The following EDC4 variants were observed in gnomAD, a reference collection of about 807,000 sequenced individuals.
The protein encoded by EDC4 is enhancer of mRNA-decapping protein 4.
EDC4 carries 64 observed loss-of-function variants against 155.8 expected under a neutral mutation model. The ratio of observed to expected loss-of-function variants is 0.41; its 90% CI spans 0.34 to 0.51. The LOEUF is 0.51. EDC4 is among the 20% of genes least tolerant of loss of function. EDC4 has a pLI of 0.19. For missense variants in EDC4, 1,303 were observed against 1,812.5 expected, an observed-to-expected ratio of 0.72 and a Z score of 5.10; for synonymous variants, 684 against 716.8, an observed-to-expected ratio of 0.95 and a Z score of 0.73.
chr16:67,874,942 A>T (rs1235594841), intron 1 of EDC4, among the ~76,000 whole-genome samples: 1 of 152,092 alleles, frequency 6.6e-6, no homozygotes, highest in Non-Finnish European at 1.5e-5. Context: ...TAAAAATATA[A>T]AAATTAGGTG....
Position 67,879,494 on chromosome 16 carries a change from G to C in EDC4, c.1624G>C (p.Glu542Gln), listed in dbSNP as rs767952965. 9 of 1,614,042 alleles carry C rather than the reference G, an allele frequency of 5.6e-6. No homozygotes were observed. The highest frequency in any genetic ancestry group is 1.7e-5 in the Admixed American group (1 of 59,996). The change falls in exon 14 of 29, where the codon GAG becomes CAG. Residue 542 changes from glutamate to glutamine, a missense_variant. Glu to Gln is a conservative substitution (Grantham distance 29). This residue lies in a region of EDC4 where 391 missense variants were observed against 445.4 expected (regional missense o/e 0.88). Coordinates refer to ENST00000358933, the MANE Select transcript of EDC4 (RefSeq NM_014329.5). The surrounding 1 kb of genome is among the most constrained non-coding windows in gnomAD (Gnocchi z 6.0). Reference protein sequence around the residue: ...VAPLPTHTAHEDFTFGESRPE... With the variant: ...VAPLPTHTAHQDFTFGESRPE... ...CCCACTGCCCACCCACACTGCCCACGAGGACTTCAGTGAGTAGGGCGTGAG... is the reference window on the plus strand; with the variant it reads ...CCCACTGCCCACCCACACTGCCCACCAGGACTTCAGTGAGTAGGGCGTGAG...
chr16:67,880,321 C>G lies in EDC4; in HGVS notation c.2097+105C>G. 1.4e-6 allele frequency: 2 copies of G among 1,471,134 alleles called. No homozygotes were observed. Among genetic ancestry groups the G allele is most frequent in the Non-Finnish European group, 1.8e-6 (2 of 1,106,624 alleles). 91.1% of individuals were successfully genotyped at this position (1,471,134 alleles called of 1,614,324 possible). A position where few individuals can be genotyped will look rare whatever the true frequency, so the allele number is the denominator to read the frequency against. ...CCCCCTGCTGCTGATCCTGCTCTAC[C>G]CGACATGGTCCGTGTTTCCCTGAGG... is the stretch of plus-strand genomic sequence containing the variant. On this transcript the variant is annotated intron_variant, in intron 17 of 28. Coordinates refer to ENST00000358933, the MANE Select transcript of EDC4 (RefSeq NM_014329.5). The surrounding 1 kb of genome is among the most constrained non-coding windows in gnomAD (Gnocchi z 5.2).
At position 67,874,473 on chromosome 16, in the gene EDC4, C is replaced by T. The variant is rs149084118; in HGVS notation, c.82+1130C>T. Among the ~76,000 whole-genome samples, 53 of 152,250 alleles carry T rather than the reference C, an allele frequency of 3.5e-4. No individual in the cohort carries two copies. The East Asian group carries it at 0.01, about 29-fold the overall frequency. On this transcript the variant is annotated intron_variant, in intron 1 of 28. Coordinates refer to ENST00000358933, the MANE Select transcript of EDC4 (RefSeq NM_014329.5). Reference sequence around the variant, plus strand: ...TTGTCCCAGGCCTGGAGTGTGTGCCCTCTTTACTCATGAGTTGGGCGTGGA... The same window carrying T: ...TTGTCCCAGGCCTGGAGTGTGTGCCTTCTTTACTCATGAGTTGGGCGTGGA...
Position 67,878,321 on chromosome 16 carries a change from C to A in EDC4, c.1005-39C>A, listed in dbSNP as rs2058050399. 3 of 1,614,082 alleles carry A rather than the reference C, an allele frequency of 1.9e-6. No individual in the cohort carries two copies. Among genetic ancestry groups the A allele is most frequent in the Admixed American group, 3.3e-5 (2 of 60,012 alleles). ...CCAGGATCCTCCCGAGGTAGCCCACCCGACCACTCACTCAGGCCCCTCATC... is the reference window on the plus strand; with the variant it reads ...CCAGGATCCTCCCGAGGTAGCCCACACGACCACTCACTCAGGCCCCTCATC... On this transcript the variant is annotated intron_variant, in intron 8 of 28. Transcript: ENST00000358933. This position sits in a 1 kb window ranked among gnomAD's most constrained non-coding sequence, Gnocchi z 5.2.
chr16:67,879,911 G>C lies in EDC4; in HGVS notation c.1883G>C (p.Ser628Thr). Residue 628 changes from serine (S) to threonine (T), a missense_variant, in exon 16 of 29, where the codon AGC becomes ACC. By Grantham distance (58) the Ser-to-Thr change is moderately conservative (BLOSUM62 1). Around this residue, in one of 5 missense-constraint regions of EDC4, gnomAD observed 391 missense variants for 445.4 expected, o/e 0.88. Coordinates refer to ENST00000358933, the MANE Select transcript of EDC4 (RefSeq NM_014329.5). This position sits in a 1 kb window ranked among gnomAD's most constrained non-coding sequence, Gnocchi z 6.0. ...GSSSSSSSSS[S>T]SLTAVSAMSS... ...AGCAGCAGCAGCAGCAGTAGCAGCA[G>C]CTCCCTTACAGCTGTGTCTGCCATG... 1 of 1,613,836 alleles carries C rather than the reference G, an allele frequency of 6.2e-7. No homozygotes were observed. The highest frequency in any genetic ancestry group is 1.1e-5 in the South Asian group (1 of 91,086).
rs1041679838 is a variant in EDC4 at position 67,875,855 on chromosome 16, C to T, written c.83-90C>T. The T allele has an allele frequency of 3.3e-6, 5 of 1,534,508 alleles. No homozygotes were observed. In the Admixed American group the frequency reaches 5.9e-5, roughly 18 times the overall value. On this transcript the variant is annotated intron_variant, in intron 1 of 28. Coordinates refer to ENST00000358933, the MANE Select transcript of EDC4 (RefSeq NM_014329.5). ...TTTGCTCAGTTGAGTGTTCCTAGAG[C>T]ACCTCATAGTTCTTGAAGGAAACTC... is the stretch of plus-strand genomic sequence containing the variant.
rs748641046 is a variant in EDC4, at chr16:67,881,931, C to T, written c.3005-23C>T. The T allele has an allele frequency of 6.2e-5, 99 of 1,603,810 alleles. No individual in the cohort carries two copies. Among genetic ancestry groups the T allele is most frequent in the Non-Finnish European group, 8.3e-5 (97 of 1,173,306 alleles). ...GAAGGAGTACACGACCTGCTCCAGGCCCGTTCCTTAGCTATGGCGCAGAGC... is the reference window on the plus strand; with the variant it reads ...GAAGGAGTACACGACCTGCTCCAGGTCCGTTCCTTAGCTATGGCGCAGAGC... On this transcript the variant is annotated intron_variant, in intron 22 of 28. Coordinates refer to ENST00000358933, the MANE Select transcript of EDC4 (RefSeq NM_014329.5). The surrounding 1 kb of genome is among the most constrained non-coding windows in gnomAD (Gnocchi z 5.4).
Position 67,877,953 on chromosome 16 carries a change from G to A in EDC4, c.894+108G>A, listed in dbSNP as rs370143766. The A allele has an allele frequency of 6.5e-7, 1 of 1,529,470 alleles. No homozygotes were observed. Among genetic ancestry groups the A allele is most frequent in the Non-Finnish European group, 8.8e-7 (1 of 1,130,806 alleles). The allele number at this position is 1,529,470 out of a possible 1,614,324, so 94.7% of individuals were successfully genotyped here. A position where few individuals can be genotyped will look rare whatever the true frequency, so the allele number is the denominator to read the frequency against. On this transcript the variant is annotated intron_variant, in intron 7 of 28. Transcript: ENST00000358933. This position sits in a 1 kb window ranked among gnomAD's most constrained non-coding sequence, Gnocchi z 4.9. ...GCAGCTTTACTAGCATTCTGCCCGT[G>A]GGGACTCTGAGCTCAAATTGGCCCT...
chr16:67,875,057 G>T (rs933409336), intron 1 of EDC4, among the ~76,000 whole-genome samples: 1 of 152,216 alleles, frequency 6.6e-6, no homozygotes, highest in Admixed American at 6.5e-5. Flanking sequence ...TTCAAAGACT[G>T]TTGTGACTGG....
At position 67,880,766 on chromosome 16, in the gene EDC4, G is replaced by T. The variant is rs1479003583; in HGVS notation, c.2307G>T (p.Met769Ile). 6.2e-7 allele frequency: 1 copy of T among 1,614,016 alleles called. No homozygotes were observed. Among genetic ancestry groups the T allele is most frequent in the African/African-American group, 1.3e-5 (1 of 74,948 alleles). Reference protein sequence around the residue: ...SAPEGLEPDSMASAASALHLL... With the variant: ...SAPEGLEPDSIASAASALHLL... The stretch of plus-strand genomic sequence containing the variant: ...CAGAGGGCCTTGAGCCAGACAGTAT[G>T]GCTTCAGCCGCCTCGGCACTGCACC... The change falls in exon 18 of 29, where the codon ATG becomes ATT. Residue 769 changes from methionine (M) to isoleucine (I), a missense_variant. By Grantham distance (10) the Met-to-Ile change is conservative (BLOSUM62 1). Transcript: ENST00000358933. The surrounding 1 kb of genome is among the most constrained non-coding windows in gnomAD (Gnocchi z 5.2).
At chr16:67,875,820 A>G (rs554714494) in intron 1 of EDC4, 125 bp from the exon 2 acceptor site, 244 of 1,495,250 alleles carry the variant, frequency 1.6e-4, no homozygotes, top group Non-Finnish European at 2.1e-4. Flanking sequence ...CCTCCTCCTC[A>G]TGGACATGCT....
rs1192795473 is a variant in EDC4 at position 67,881,516 on chromosome 16, C to T, written c.2809C>T (p.Arg937Trp). ...TGGCAGGGATGCAGCCATGGGATCC[C>T]GGCTCACAGAGCACCAGGTAAGTGA... The part of the protein sequence containing the change: ...KDDGDAAMGS[R>W]LTEHQVAEPP... The change falls in exon 21 of 29, where the codon CGG (arginine) becomes TGG (tryptophan). Residue 937 changes from arginine to tryptophan, a missense_variant. Physicochemically the swap from Arg to Trp is moderately radical, Grantham distance 101 (BLOSUM62 -3). Coordinates refer to ENST00000358933, the MANE Select transcript of EDC4 (RefSeq NM_014329.5). The surrounding 1 kb of genome is among the most constrained non-coding windows in gnomAD (Gnocchi z 5.4). 1.7e-5 allele frequency: 28 copies of T among 1,613,866 alleles called. No homozygotes were observed. The highest frequency in any genetic ancestry group is 2.2e-5 in the Non-Finnish European group (26 of 1,180,030).
rs1190770002 is a variant in EDC4 at position 67,880,842 on chromosome 16, C to G, written c.2383C>G (p.Leu795Val). ...GCCCGAGCTCGGCCCCCAGCTCGGG[C>G]TTGATGGAGGCCCTGGGGATGGAGA... ...PGPELGPQLG[L>V]DGGPGDGDRH... The change falls in exon 18 of 29, where the codon CTT (leucine) becomes GTT (valine). Residue 795 changes from leucine to valine, a missense_variant. Coordinates refer to ENST00000358933, the MANE Select transcript of EDC4 (RefSeq NM_014329.5). The surrounding 1 kb of genome is among the most constrained non-coding windows in gnomAD (Gnocchi z 5.2). 1 of 1,613,934 alleles carries G rather than the reference C, an allele frequency of 6.2e-7. No homozygotes were observed. The highest frequency in any genetic ancestry group is 2.2e-5 in the East Asian group (1 of 44,874).
chr16:67,878,705 A>T lies in EDC4; in HGVS notation c.1185-32A>T. ...GGGAATGTAGCTTCCTTCAGTTCTC[A>T]GGCTCATTCACTCTGCTTTGTGGCT... On this transcript the variant is annotated intron_variant, in intron 10 of 28. Transcript: ENST00000358933. The surrounding 1 kb of genome is among the most constrained non-coding windows in gnomAD (Gnocchi z 5.2). 1 of 1,614,174 alleles carries T rather than the reference A, an allele frequency of 6.2e-7. No homozygotes were observed. Among genetic ancestry groups the T allele is most frequent in the Non-Finnish European group, 8.5e-7 (1 of 1,180,022 alleles).
In EDC4 at chr16:67,876,981, A is replaced by C. The variant is rs1363288372; in HGVS notation, c.451+9A>C. ...GGCCTATGCCATTCGGGGTGAGTAA[A>C]GACAGTGAGGAGGAAGGAATGTTCT... is the stretch of plus-strand genomic sequence containing the variant. On this transcript the variant is annotated intron_variant, in intron 4 of 28. Transcript: ENST00000358933. The surrounding 1 kb of genome is among the most constrained non-coding windows in gnomAD (Gnocchi z 5.8). The C allele has an allele frequency of 6.2e-7, 1 of 1,613,590 alleles. No homozygotes were observed. Among genetic ancestry groups the C allele is most frequent in the Non-Finnish European group, 8.5e-7 (1 of 1,179,722 alleles).
In EDC4 at chr16:67,877,333, C is replaced by G; in HGVS notation, c.568C>G (p.Pro190Ala). ...ADLAFAHLNSPQLACLDEAGN... is the reference protein window; with the variant it reads ...ADLAFAHLNSAQLACLDEAGN... ...TCTGGCTTTCGCGCACCTCAACTCT[C>G]CACAGCTGGCCTGCCTGGATGAGGC... Residue 190 changes from proline (P) to alanine (A), a missense_variant, in exon 5 of 29, where the codon CCA becomes GCA. Physicochemically the swap from Pro to Ala is conservative, Grantham distance 27. This residue lies in a region of EDC4 where 235 missense variants were observed against 367.7 expected (regional missense o/e 0.64). Coordinates refer to ENST00000358933, the MANE Select transcript of EDC4 (RefSeq NM_014329.5). This position sits in a 1 kb window ranked among gnomAD's most constrained non-coding sequence, Gnocchi z 4.9. 1 of 1,614,156 alleles carries G rather than the reference C, an allele frequency of 6.2e-7. No homozygotes were observed. Among genetic ancestry groups the G allele is most frequent in the Non-Finnish European group, 8.5e-7 (1 of 1,180,042 alleles).
In EDC4 at chr16:67,883,091, C is replaced by T; in HGVS notation, c.3763C>T (p.Pro1255Ser). 6.2e-7 allele frequency: 1 copy of T among 1,612,350 alleles called. No individual in the cohort carries two copies. The highest frequency in any genetic ancestry group is 8.5e-7 in the Non-Finnish European group (1 of 1,179,698). Residue 1255 changes from proline to serine, a missense_variant, in exon 27 of 29, where the codon CCC (proline) becomes TCC (serine). Pro to Ser is a moderately conservative substitution (Grantham distance 74, BLOSUM62 -1). Coordinates refer to ENST00000358933, the MANE Select transcript of EDC4 (RefSeq NM_014329.5). The surrounding 1 kb of genome is among the most constrained non-coding windows in gnomAD (Gnocchi z 5.3). ...AMRSAAGTPV[P>S]SAHLDCQAQQ... is the part of the protein sequence containing the mutation. ...GCGCTCAGCTGCTGGCACACCTGTC[C>T]CCTCTGCCCACCTTGACTGCCAGGC...
In EDC4 at chr16:67,879,288, A is replaced by G; in HGVS notation, c.1520A>G (p.Lys507Arg). The stretch of plus-strand genomic sequence containing the variant: ...GAGTCTGCGGCCGGTGTGCTCATCA[A>G]GCTCTTTTGTGTGCATACTAAGTGA... ...AMESAAGVLI[K>R]LFCVHTKALQ... Residue 507 changes from lysine to arginine, a missense_variant, in exon 13 of 29, where the codon AAG (lysine) becomes AGG (arginine). Lys to Arg is a conservative substitution (Grantham distance 26, BLOSUM62 2). Transcript: ENST00000358933. The surrounding 1 kb of genome is among the most constrained non-coding windows in gnomAD (Gnocchi z 6.0). 3 of 1,614,158 alleles carry G rather than the reference A, an allele frequency of 1.9e-6. No homozygotes were observed. Among genetic ancestry groups the G allele is most frequent in the Non-Finnish European group, 2.5e-6 (3 of 1,180,002 alleles).
rs2058049129 is a variant in EDC4 at position 67,878,012 on chromosome 16, C to T, written c.895-154C>T. 11 of 1,480,132 alleles carry T rather than the reference C, an allele frequency of 7.4e-6. No homozygotes were observed. Among genetic ancestry groups the T allele is most frequent in the African/African-American group, 1.4e-5 (1 of 71,494 alleles). 91.7% of individuals were successfully genotyped at this position (1,480,132 alleles called of 1,614,324 possible). A position where few individuals can be genotyped will look rare whatever the true frequency, so the allele number is the denominator to read the frequency against. On this transcript the variant is annotated intron_variant, in intron 7 of 28. Transcript: ENST00000358933. The surrounding 1 kb of genome is among the most constrained non-coding windows in gnomAD (Gnocchi z 5.2). ...CAGCTTTCTCCTTATCTAGCAGCAC[C>T]CTGCAGGTCTGGCCTTCTCTAGGAA... is the stretch of plus-strand genomic sequence containing the variant.
Sources: gnomAD v4.1 joint callset for allele counts (sites outside exome capture counted in the v4.1 genomes callset) on GRCh38, gnomAD v4.1.1 for gene constraint, gnomAD v4.1.1 regional missense constraint, Gnocchi (gnomAD v3.1) non-coding constraint, MANE v1.5 for transcripts, NCBI Gene and HGNC (gene_info 2026-07-23, HGNC 2026-07-21) for gene names.